Variants in JARID2 observed in about 807,000 individuals in gnomAD.
The protein encoded by JARID2 is protein Jumonji.
A neutral mutation model predicts 125.6 loss-of-function variants in JARID2; 21 were observed. The ratio of observed to expected loss-of-function variants is 0.17; its 90% CI spans 0.12 to 0.24. The LOEUF (loss-of-function observed/expected upper bound fraction) is 0.24, where lower values mean the gene tolerates loss of function less well. JARID2 is among the 10% of genes least tolerant of loss of function. The pLI is 1.00. For synonymous variants in JARID2, 736 were observed against 661.6 expected, an observed-to-expected ratio of 1.11 and a Z score of -1.73; for missense variants, 1,303 against 1,639.6, an observed-to-expected ratio of 0.79 and a Z score of 3.55.
At chr6:15,260,276 G>A (rs1025458152) in intron 1 of JARID2, among the ~76,000 whole-genome samples, 1 of 152,084 alleles carries the variant, frequency 6.6e-6, no homozygotes, top group Non-Finnish European at 1.5e-5. Context: ...TGAGGGGAGC[G>A]ATTGGTGGGT....
At chr6:15,253,549 A>G (rs570542046) in intron 1 of JARID2, among the ~76,000 whole-genome samples, 4 of 152,034 alleles carry the variant, frequency 2.6e-5, no homozygotes, top group African/African-American at 7.2e-5. Flanking sequence ...AGATTGTTCC[A>G]GAGGGCAAAG....
At chr6:15,267,070 C>T (rs542400191) in intron 1 of JARID2, among the ~76,000 whole-genome samples, 1 of 152,144 alleles carries the variant, frequency 6.6e-6, no homozygotes, top group Non-Finnish European at 1.5e-5. Context: ...GCTGCGTGAT[C>T]GAGGGTTTGG....
intron 5 of JARID2, among the ~76,000 whole-genome samples, chr6:15,472,033 T>C (rs1769100409): frequency 6.6e-6 from 1 of 152,168 alleles, no homozygotes; most frequent in South Asian, 2.1e-4. Context: ...AATTTTAAAA[T>C]TAAAAATTTA....
At chr6:15,286,868 A>T (rs1300948593) in intron 1 of JARID2, among the ~76,000 whole-genome samples, 4 of 151,688 alleles carry the variant, frequency 2.6e-5, no homozygotes, top group Non-Finnish European at 4.4e-5. Context: ...TCTCAAAAAA[A>T]AAAAAAGCGC....
rs1036197834 is a variant in JARID2 at position 15,516,696 on chromosome 6, C to G, written c.3451-465C>G. ...TTTTGCTGCTGGAAAGTCAAGGGTG[C>G]GTTCCCCGGGTGGCCGCCTAAGTTG... On this transcript the variant is annotated intron_variant, in intron 16 of 17. Coordinates refer to ENST00000341776, the MANE Select transcript of JARID2 (RefSeq NM_004973.4). Among the ~76,000 whole-genome samples the G allele has an allele frequency of 2.0e-5, 3 of 152,332 alleles. No homozygotes were observed. In the South Asian group the frequency reaches 6.2e-4, roughly 32 times the overall value.
chr6:15,407,628 C>G (rs180934522), intron 2 of JARID2, among the ~76,000 whole-genome samples: 2 of 152,326 alleles, frequency 1.3e-5, no homozygotes, highest in Non-Finnish European at 2.9e-5. Flanking sequence ...TATAGCTCTT[C>G]TTCCTCCTTG....
intron 1 of JARID2, among the ~76,000 whole-genome samples, chr6:15,277,832 A>C (rs1760592252): frequency 6.6e-6 from 1 of 151,980 alleles, no homozygotes; most frequent in South Asian, 2.1e-4. Context: ...AGGCAAGTTC[A>C]AGAGAAAGTT....
chr6:15,299,193 C>T (rs1761518232), intron 1 of JARID2, among the ~76,000 whole-genome samples: 1 of 152,178 alleles, frequency 6.6e-6, no homozygotes, highest in African/African-American at 2.4e-5. Flanking sequence ...ATAGGGTTCT[C>T]TGGAGCCTCC....
intron 5 of JARID2, among the ~76,000 whole-genome samples, chr6:15,481,856 A>G (rs894559365): frequency 1.3e-5 from 2 of 152,182 alleles, no homozygotes; most frequent in Admixed American, 1.3e-4. Flanking sequence ...TCTTTAGTAG[A>G]GTACCTTGCT....
intron 8 of JARID2, among the ~76,000 whole-genome samples, chr6:15,502,318 G>C (rs979578820): frequency 1.3e-5 from 2 of 152,386 alleles, no homozygotes; most frequent in East Asian, 3.9e-4. Context: ...GGCACCCGGG[G>C]CCCAGCTGGC....
intron 1 of JARID2, among the ~76,000 whole-genome samples, chr6:15,357,226 C>G (rs757897565): frequency 1.3e-5 from 2 of 152,106 alleles, no homozygotes; most frequent in African/African-American, 4.8e-5. Context: ...TCATGAAGTA[C>G]GCTGAATAAG....
intron 2 of JARID2, among the ~76,000 whole-genome samples, chr6:15,405,682 G>T (rs958925403): frequency 7.9e-5 from 12 of 152,058 alleles, no homozygotes; most frequent in African/African-American, 2.4e-4. Context: ...GTGGGGGAGG[G>T]GGTTGGAAAA....
intron 1 of JARID2, chr6:15,248,967 G>GAGGGCC: frequency 1.0e-6 from 1 of 985,560 alleles, no homozygotes; most frequent in South Asian, 4.7e-5. Flanking sequence ...CCCACCAGGT[G>GAGGGCC]AGGGCCGGGG....
intron 1 of JARID2, among the ~76,000 whole-genome samples, chr6:15,296,000 G>C (rs1761398811): frequency 6.6e-6 from 1 of 152,172 alleles, no homozygotes; most frequent in Non-Finnish European, 1.5e-5. Flanking sequence ...CTCACGCAGA[G>C]AAAGACCAAG....
chr6:15,281,058 G>C (rs1760731081), intron 1 of JARID2, among the ~76,000 whole-genome samples: 2 of 152,332 alleles, frequency 1.3e-5, no homozygotes, highest in South Asian at 4.1e-4. Flanking sequence ...ATAACTGGGA[G>C]TTTTCATGCA....
At chr6:15,260,685 C>T (rs974729609) in intron 1 of JARID2, among the ~76,000 whole-genome samples, 11 of 152,224 alleles carry the variant, frequency 7.2e-5, no homozygotes, top group African/African-American at 1.9e-4. Flanking sequence ...CAATACTGCA[C>T]GCTCTTCTGT....
chr6:15,253,558 A>C (rs1180006054), intron 1 of JARID2, among the ~76,000 whole-genome samples: 1 of 151,902 alleles, frequency 6.6e-6, no homozygotes, highest in East Asian at 1.9e-4. Flanking sequence ...CAGAGGGCAA[A>C]GTATAGATCA....
intron 12 of JARID2, chr6:15,509,403 C>T: frequency 1.0e-6 from 1 of 975,664 alleles, no homozygotes; most frequent in Non-Finnish European, 1.2e-6. Flanking sequence ...CCAGCGTCGG[C>T]TGCAGCCTCC....
At chr6:15,501,488 A>C in intron 8 of JARID2, 79 bp downstream of exon 8, 10 of 1,382,746 alleles carry the variant, frequency 7.2e-6, no homozygotes, top group Non-Finnish European at 9.7e-6. Flanking sequence ...CGTGCTATGC[A>C]CTGGACGGTG....
Sources: allele counts gnomAD v4.1 joint callset (sites outside exome capture counted in the v4.1 genomes callset), GRCh38; gene constraint gnomAD v4.1.1; transcripts MANE v1.5; gene names NCBI Gene and HGNC (gene_info 2026-07-23, HGNC 2026-07-21).